MGAT5B: variants seen among roughly 807,000 people sequenced by gnomAD.
MGAT5B encodes the protein N-acetylglucosaminyl-transferase Vb.
A neutral mutation model predicts 95.1 loss-of-function variants in MGAT5B; 54 were observed. The observed-to-expected ratio is 0.57, with a 90% confidence interval of 0.46 to 0.71. MGAT5B has a LOEUF of 0.71. Among genes scored for constraint, MGAT5B ranks in the 30% least tolerant of loss-of-function variants. MGAT5B has a pLI of 0.00. For synonymous variants in MGAT5B, 464 were observed against 451.0 expected, an observed-to-expected ratio of 1.03 and a Z score of -0.36; for missense variants, 935 against 1,088.6, an observed-to-expected ratio of 0.86 and a Z score of 1.99.
intron 3 of MGAT5B, among the ~76,000 whole-genome samples, chr17:76,895,808 G>C (rs981172264): frequency 1.3e-5 from 2 of 151,906 alleles, no homozygotes; most frequent in East Asian, 1.9e-4. Context: ...GAATTTGAAG[G>C]GGGGGCATCA....
chr17:76,931,270 T>C (rs1484235909), intron 10 of MGAT5B, among the ~76,000 whole-genome samples: 3 of 152,122 alleles, frequency 2.0e-5, no homozygotes, highest in Non-Finnish European at 2.9e-5. Flanking sequence ...TTAATGTTTG[T>C]ATTTTTAGTA....
intron 3 of MGAT5B, among the ~76,000 whole-genome samples, chr17:76,888,775 G>A (rs1216972465): frequency 4.6e-5 from 7 of 152,178 alleles, no homozygotes; most frequent in Non-Finnish European, 1.0e-4. Context: ...CCTGCCACTG[G>A]CCACCTGCGG....
At position 76,940,369 on chromosome 17, in the gene MGAT5B, C is replaced by A; in HGVS notation, c.1585-33C>A. 6.5e-7 allele frequency: 1 copy of A among 1,542,914 alleles called. No individual in the cohort carries two copies. Among genetic ancestry groups the A allele is most frequent in the African/African-American group, 1.4e-5 (1 of 72,992 alleles). ...GCTTACTGGGCTGTGGCGGCCCAGC[C>A]CTCCCTGATCACTGCGCCCCTTGAC... On this transcript the variant is annotated intron_variant, in intron 13 of 17. Coordinates refer to ENST00000569840, the MANE Select transcript of MGAT5B (RefSeq NM_001199172.2). The surrounding 1 kb of genome is among the most constrained non-coding windows in gnomAD (Gnocchi z 4.3).
rs1460052616 is a variant in MGAT5B, at chr17:76,926,606, C to T, written c.1167C>T (p.Ile389=). 6.2e-7 allele frequency: 1 copy of T among 1,611,352 alleles called. No individual in the cohort carries two copies. The highest frequency in any genetic ancestry group is 2.2e-5 in the East Asian group (1 of 44,878). Residue 389 remains isoleucine, a synonymous_variant, in exon 10 of 18, where the codon ATC becomes ATT. Coordinates refer to ENST00000569840, the MANE Select transcript of MGAT5B (RefSeq NM_001199172.2). The part of the protein sequence containing the change: ...GLSFKKYRCR[I]RVIDTFGTEP... ...TCCCCTGGGGGGGCAGGTGCCGAAT[C>T]AGGGTCATCGACACCTTCGGGACGG...
rs1004134671 is a variant in MGAT5B at position 76,905,354 on chromosome 17, C to T, written c.855+21C>T. On this transcript the variant is annotated intron_variant, in intron 7 of 17. Coordinates refer to ENST00000569840, the MANE Select transcript of MGAT5B (RefSeq NM_001199172.2). The surrounding 1 kb of genome is among the most constrained non-coding windows in gnomAD (Gnocchi z 4.2). ...AGCAGGTGCGTGGCCCCTGCCCCCT[C>T]ATGTGCAGGAGCTGAGAAAGCTCAG... 5 of 1,558,448 alleles carry T rather than the reference C, an allele frequency of 3.2e-6. No individual in the cohort carries two copies. The highest frequency in any genetic ancestry group is 2.6e-6 in the Non-Finnish European group (3 of 1,148,442).
intron 10 of MGAT5B, among the ~76,000 whole-genome samples, chr17:76,931,253 C>T (rs1428308856): frequency 6.6e-6 from 1 of 152,132 alleles, no homozygotes; most frequent in Non-Finnish European, 1.5e-5. Flanking sequence ...TGCGCCACCA[C>T]ACCCGGTTAA....
chr17:76,900,744 T>A lies in MGAT5B; in HGVS notation c.330-1811T>A, dbSNP rs1396602349. Among the ~76,000 whole-genome samples, 3 of 152,268 alleles carry A rather than the reference T, an allele frequency of 2.0e-5. No homozygotes were observed. In the East Asian group the frequency reaches 5.8e-4, roughly 29 times the overall value. On this transcript the variant is annotated intron_variant, in intron 3 of 17. Transcript: ENST00000569840. Reference sequence around the variant, plus strand: ...ACCTGGTTTGTGGAAATTATTGCAGTCACCCCAGGAAACTAACACAAAAAT... The same window carrying A: ...ACCTGGTTTGTGGAAATTATTGCAGACACCCCAGGAAACTAACACAAAAAT...
In MGAT5B at chr17:76,915,240, G is replaced by A. The variant is rs1159040604; in HGVS notation, c.1025+9053G>A. ...AGTATTGCTGGCAGTGGCTTCAGGGGAGGGTCCCAGGAGGAGGGACAGGGA... is the reference window on the plus strand; with the variant it reads ...AGTATTGCTGGCAGTGGCTTCAGGGAAGGGTCCCAGGAGGAGGGACAGGGA... On this transcript the variant is annotated intron_variant, in intron 8 of 17. Coordinates refer to ENST00000569840, the MANE Select transcript of MGAT5B (RefSeq NM_001199172.2). This position sits in a 1 kb window ranked among gnomAD's most constrained non-coding sequence, Gnocchi z 8.7. 2.0e-5 allele frequency among the ~76,000 whole-genome samples: 3 copies of A among 152,062 alleles called. No individual in the cohort carries two copies. Among genetic ancestry groups the A allele is most frequent in the African/African-American group, 7.2e-5 (3 of 41,384 alleles).
chr17:76,871,282 T>C (rs986142450), intron 1 of MGAT5B, among the ~76,000 whole-genome samples: 1 of 152,184 alleles, frequency 6.6e-6, no homozygotes, highest in African/African-American at 2.4e-5. Context: ...TGACTTCCTC[T>C]GAGGGACCCC....
chr17:76,946,305 T>C (rs1490902551), intron 15 of MGAT5B, 71 bp from the exon 16 acceptor site: 13 of 1,359,630 alleles, frequency 9.6e-6, no homozygotes, highest in Non-Finnish European at 1.3e-5. Flanking sequence ...CCACCCCCAA[T>C]GCCGAGCATG....
intron 10 of MGAT5B, among the ~76,000 whole-genome samples, chr17:76,927,838 C>T (rs539524719): frequency 5.3e-5 from 8 of 152,344 alleles, no homozygotes; most frequent in Admixed American, 1.3e-4. Context: ...AGGCTCCAGG[C>T]CAGAAAGCTA....
rs772767323 is a variant in MGAT5B at position 76,906,114 on chromosome 17, G to A, written c.952G>A (p.Ala318Thr). ...GCCCCTAGGGGAGATGGTGCAGTGG[G>A]CGGACATTCTGACTGCACTCTATGT... ...GGPLGEMVQW[A>T]DILTALYVLG... The change falls in exon 8 of 18, where the codon GCG becomes ACG. Residue 318 changes from alanine (A) to threonine (T), a missense_variant. Ala to Thr is a moderately conservative substitution (Grantham distance 58, BLOSUM62 0). Transcript: ENST00000569840. The surrounding 1 kb of genome is among the most constrained non-coding windows in gnomAD (Gnocchi z 4.6). The A allele has an allele frequency of 6.2e-7, 1 of 1,607,588 alleles. No homozygotes were observed.
chr17:76,895,400 C>A lies in MGAT5B; in HGVS notation c.330-7155C>A, dbSNP rs1457071335. 2.6e-5 allele frequency among the ~76,000 whole-genome samples: 4 copies of A among 152,144 alleles called. No homozygotes were observed. In the East Asian group the frequency reaches 7.7e-4, roughly 29 times the overall value. On this transcript the variant is annotated intron_variant, in intron 3 of 17. Transcript: ENST00000569840. ...CTGAAACCATCCCCACTGCCCCTCT[C>A]CCTGGGTCCATGGAAAAATTGTCTT...
rs188484647 is a variant in MGAT5B, at chr17:76,889,211, C to T, written c.329+6913C>T. On this transcript the variant is annotated intron_variant, in intron 3 of 17. Transcript: ENST00000569840. The surrounding 1 kb of genome is among the most constrained non-coding windows in gnomAD (Gnocchi z 4.4). ...GGGCAGTGTCAGCCCTGGGAGCTCG[C>T]CGTGTGACCTTGGGAAAGCCACTAT... is the stretch of plus-strand genomic sequence containing the variant. Among the ~76,000 whole-genome samples the T allele has an allele frequency of 1.3e-5, 2 of 152,220 alleles. No individual in the cohort carries two copies. The highest frequency in any genetic ancestry group is 4.8e-5 in the African/African-American group (2 of 41,512).
At chr17:76,926,812 C>G in intron 10 of MGAT5B, 82 bp downstream of exon 10, 3 of 1,516,106 alleles carry the variant, frequency 2.0e-6, no homozygotes, top group Non-Finnish European at 1.8e-6. Flanking sequence ...GCCAGGGTCT[C>G]GCTCCTCCCT....
In MGAT5B at chr17:76,938,268, C is replaced by A; in HGVS notation, c.1584+125C>A. The stretch of plus-strand genomic sequence containing the variant: ...GGACATACCCCAGCATGCTCTGCTG[C>A]CCTGAGCCCCACATCTGGCCAGAGC... On this transcript the variant is annotated intron_variant, in intron 13 of 17. Transcript: ENST00000569840. The surrounding 1 kb of genome is among the most constrained non-coding windows in gnomAD (Gnocchi z 4.3). 7.8e-7 allele frequency: 1 copy of A among 1,277,570 alleles called. No homozygotes were observed. The highest frequency in any genetic ancestry group is 1.1e-6 in the Non-Finnish European group (1 of 924,026). The allele number at this position is 1,277,570 out of a possible 1,614,324, so 79.1% of individuals were successfully genotyped here.
At chr17:76,878,299 G>A (rs1967270339) in intron 2 of MGAT5B, among the ~76,000 whole-genome samples, 1 of 152,206 alleles carries the variant, frequency 6.6e-6, no homozygotes, top group African/African-American at 2.4e-5. Flanking sequence ...AGGGGTTTCT[G>A]GAGTTCCATG....
intron 8 of MGAT5B, among the ~76,000 whole-genome samples, chr17:76,920,728 C>T (rs1474402059): frequency 6.6e-6 from 1 of 152,130 alleles, no homozygotes; most frequent in East Asian, 1.9e-4. Context: ...CCTCCTCTCC[C>T]GTGATGTCCT....
intron 5 of MGAT5B, 37 bp downstream of exon 5, chr17:76,903,413 C>T (rs767281925): frequency 6.4e-7 from 1 of 1,561,066 alleles, no homozygotes; most frequent in South Asian, 1.2e-5. Context: ...ATGTCTACAG[C>T]TAGGGCCTCT....
Sources: gnomAD v4.1 joint callset for allele counts (sites outside exome capture counted in the v4.1 genomes callset) on GRCh38, gnomAD v4.1.1 for gene constraint, Gnocchi (gnomAD v3.1) non-coding constraint, MANE v1.5 for transcripts, NCBI Gene and HGNC (gene_info 2026-07-23, HGNC 2026-07-21) for gene names.